The following RIGI variants were observed in gnomAD, a reference collection of about 807,000 sequenced individuals.
RIGI encodes RNA sensor RIG-I.
the RIGI span, chr9:32,476,969 G>GA: frequency 3.1e-6 from 5 of 1,607,746 alleles, no homozygotes; most frequent in Admixed American, 1.7e-5. Flanking sequence ...TCTACAAGGA[G>GA]AAAAAAAGCT....
chr9:32,494,890 A>G, the RIGI span, among the ~76,000 whole-genome samples: 1 of 151,990 alleles, frequency 6.6e-6, no homozygotes, highest in South Asian at 2.1e-4. Flanking sequence ...ATTCCATTGT[A>G]TGTGTATATC....
chr9:32,520,628 G>A, the RIGI span, among the ~76,000 whole-genome samples: 2 of 152,134 alleles, frequency 1.3e-5, no homozygotes, highest in South Asian at 2.1e-4. Flanking sequence ...GTGAGCACGT[G>A]AGCTTGTAAG....
At chr9:32,508,239 A>ATTTTTTT in the RIGI span, among the ~76,000 whole-genome samples, 2,345 of 70,318 alleles carry the variant, frequency 0.033, 403 homozygotes, top group African/African-American at 0.099. Flanking sequence ...TATTTACTTA[A>ATTTTTTT]TTTTTTTTTT....
chr9:32,469,953 G>A, the RIGI span, among the ~76,000 whole-genome samples: 1 of 152,154 alleles, frequency 6.6e-6, no homozygotes, highest in Non-Finnish European at 1.5e-5. Flanking sequence ...GCTGGCAGTG[G>A]ACTCAAGAGT....
chr9:32,500,641 G>A, the RIGI span, among the ~76,000 whole-genome samples: 1 of 152,074 alleles, frequency 6.6e-6, no homozygotes, highest in Non-Finnish European at 1.5e-5. Flanking sequence ...GATGTTTCAG[G>A]TAGACAATTA....
chr9:32,504,103 G>A, the RIGI span, among the ~76,000 whole-genome samples: 16 of 145,432 alleles, frequency 1.1e-4, no homozygotes, highest in Middle Eastern at 0.018. Flanking sequence ...GACAACCTGT[G>A]AGTGAGAAAA....
chr9:32,458,250 A>G, the RIGI span, among the ~76,000 whole-genome samples: 1 of 152,234 alleles, frequency 6.6e-6, no homozygotes, highest in Non-Finnish European at 1.5e-5. Context: ...AGAAAGAAAT[A>G]TAAGGCTGCA....
the RIGI span, among the ~76,000 whole-genome samples, chr9:32,509,921 A>C: frequency 2.0e-5 from 3 of 151,962 alleles, no homozygotes; most frequent in Non-Finnish European, 4.4e-5. Flanking sequence ...AAAACACAGC[A>C]CGAGAACTTT....
chr9:32,492,371 A>G, the RIGI span: 1 of 1,613,684 alleles, frequency 6.2e-7, no homozygotes, highest in Non-Finnish European at 8.5e-7. Flanking sequence ...TAGAGCTGTG[A>G]GGAGGGTACA....
chr9:32,496,335 T>C, the RIGI span, among the ~76,000 whole-genome samples: 1 of 152,238 alleles, frequency 6.6e-6, no homozygotes, highest in Non-Finnish European at 1.5e-5. Context: ...TGGTAAAACA[T>C]TACTTTTGGG....
chr9:32,491,411 T>C, the RIGI span: 3 of 1,608,352 alleles, frequency 1.9e-6, no homozygotes, highest in African/African-American at 4.0e-5. Flanking sequence ...TGTTTCAACA[T>C]CTTTTATACC....
At chr9:32,481,418 G>A in the RIGI span, 1 of 1,612,658 alleles carries the variant, frequency 6.2e-7, no homozygotes, top group Non-Finnish European at 8.5e-7. Context: ...GGAACACCAT[G>A]CATGCTTTCT....
At chr9:32,509,665 A>G in the RIGI span, among the ~76,000 whole-genome samples, 3 of 151,718 alleles carry the variant, frequency 2.0e-5, no homozygotes, top group Admixed American at 6.6e-5. Context: ...CAGAAAAAAA[A>G]TGTGATCCTC....
chr9:32,485,064 C>T, the RIGI span: 1 of 724,474 alleles, frequency 1.4e-6, no homozygotes, highest in South Asian at 2.1e-5. Flanking sequence ...AAGACAACCT[C>T]TGGATATGGT....
chr9:32,457,496 A>AAAAGAAC, the RIGI span: 1 of 1,186,504 alleles, frequency 8.4e-7, no homozygotes, highest in Non-Finnish European at 1.1e-6. Flanking sequence ...AAAAAAAAAA[A>AAAAGAAC]AGAAAACCCC....
the RIGI span, among the ~76,000 whole-genome samples, chr9:32,491,995 G>A: frequency 1.3e-5 from 2 of 152,210 alleles, no homozygotes; most frequent in African/African-American, 4.8e-5. Flanking sequence ...ATGGCTTCCA[G>A]TAAGAGAACC....
chr9:32,484,498 G>A, the RIGI span, among the ~76,000 whole-genome samples: 3 of 152,092 alleles, frequency 2.0e-5, no homozygotes, highest in Non-Finnish European at 2.9e-5. Flanking sequence ...CATTCATAGA[G>A]GTGCCTAAGC....
the RIGI span, among the ~76,000 whole-genome samples, chr9:32,499,316 GTTTTT>G: frequency 1.7e-5 from 1 of 57,634 alleles, no homozygotes; most frequent in Non-Finnish European, 3.3e-5. Flanking sequence ...TTTGTGATTT[GTTTTT>G]TTTTTTTTTT....
At chr9:32,488,254 C>T in the RIGI span, 14 of 1,570,296 alleles carry the variant, frequency 8.9e-6, no homozygotes, top group Non-Finnish European at 1.1e-5. Context: ...GGATAAGGAA[C>T]CACAAAGATG....
Sources: allele counts gnomAD v4.1 joint callset (sites outside exome capture counted in the v4.1 genomes callset), GRCh38; gene constraint gnomAD v4.1.1; transcripts MANE v1.5; gene names NCBI Gene and HGNC (gene_info 2026-07-23, HGNC 2026-07-21).